The following TMEM132C variants were observed in gnomAD, a reference collection of about 807,000 sequenced individuals.
The protein encoded by TMEM132C is transmembrane protein 132C.
A neutral mutation model predicts 61.4 loss-of-function variants in TMEM132C; 29 were observed. The ratio of observed to expected loss-of-function variants is 0.47; its 90% CI spans 0.35 to 0.64. TMEM132C has a LOEUF of 0.64. Ranked by LOEUF, TMEM132C falls within the 30% of genes least tolerant of loss-of-function variation. The pLI is 0.00. For synonymous variants in TMEM132C, 656 were observed against 633.1 expected (o/e 1.04, Z -0.54); for missense variants, 1,408 against 1,476.9 (o/e 0.95, Z 0.76).
rs11059841 is a variant in TMEM132C at position 128,705,476 on chromosome 12, A to G, written c.2508A>G (p.Gln836=). Residue 836 remains glutamine, a synonymous_variant, in exon 9 of 9, where the codon CAA becomes CAG. Coordinates refer to ENST00000435159, the MANE Select transcript of TMEM132C (RefSeq NM_001136103.3). ...QKGQHHERTG[Q]DGHLYGSSPV... is the part of the protein sequence containing the mutation. ...GCCAGCACCATGAGCGCACAGGCCA[A>G]GATGGGCACCTCTATGGCAGCTCTC... 1 allele frequency: 1,545,231 copies of G among 1,551,206 alleles called. 769,824 individuals are homozygous for G. The highest frequency in any genetic ancestry group is 1 in the East Asian group (40,886 of 40,886).
Position 128,695,883 on chromosome 12 carries a change from G to A in TMEM132C, c.1709G>A (p.Cys570Tyr), listed in dbSNP as rs1355401672. Residue 570 changes from cysteine (C) to tyrosine (Y), a missense_variant, in exon 7 of 9, where the codon TGC (cysteine) becomes TAC (tyrosine). By Grantham distance (194) the Cys-to-Tyr change is radical. Coordinates refer to ENST00000435159, the MANE Select transcript of TMEM132C (RefSeq NM_001136103.3). ...GAGGAGGAGCGGCGGGGCCGGGGCT[G>A]CGCACTGCAATACCAGCACGCCACC... ...EDEEERRGRG[C>Y]ALQYQHATVR... 6.4e-7 allele frequency: 1 copy of A among 1,550,702 alleles called. No individual in the cohort carries two copies. The highest frequency in any genetic ancestry group is 2.4e-5 in the East Asian group (1 of 40,910).
chr12:128,345,250 G>A (rs1385823249), intron 1 of TMEM132C, among the ~76,000 whole-genome samples: 7 of 152,026 alleles, frequency 4.6e-5, no homozygotes, highest in African/African-American at 1.7e-4. Flanking sequence ...TCCTTTTTAT[G>A]GCTGCGTAGT....
intron 1 of TMEM132C, among the ~76,000 whole-genome samples, chr12:128,295,774 A>T (rs1460536848): frequency 1.2e-5 from 1 of 82,506 alleles, no homozygotes; most frequent in Non-Finnish European, 2.3e-5. Context: ...AGCACCAATT[A>T]AAAAAAAAAA....
chr12:128,268,050 C>T (rs1351871812), intron 1 of TMEM132C, among the ~76,000 whole-genome samples: 1 of 152,176 alleles, frequency 6.6e-6, no homozygotes, highest in Non-Finnish European at 1.5e-5. Context: ...GCGCAGCTCA[C>T]CAGGGACCCC....
At chr12:128,628,574 A>G (rs1250428726) in intron 4 of TMEM132C, among the ~76,000 whole-genome samples, 1 of 152,194 alleles carries the variant, frequency 6.6e-6, no homozygotes, top group East Asian at 1.9e-4. Flanking sequence ...TTGTACATTC[A>G]TTATCTGAAT....
intron 4 of TMEM132C, among the ~76,000 whole-genome samples, chr12:128,628,315 G>A (rs1358110260): frequency 1.3e-5 from 2 of 152,138 alleles, no homozygotes; most frequent in Non-Finnish European, 2.9e-5. Flanking sequence ...ACGGCGGCAC[G>A]CTGAGATCTA....
intron 2 of TMEM132C, among the ~76,000 whole-genome samples, chr12:128,512,045 G>A (rs562430786): frequency 7.9e-5 from 12 of 151,158 alleles, no homozygotes; most frequent in Admixed American, 4.0e-4. Context: ...CTCGAGCTCC[G>A]CCCCTGTCGG....
intron 3 of TMEM132C, among the ~76,000 whole-genome samples, chr12:128,601,046 G>A (rs886857641): frequency 6.6e-6 from 1 of 152,164 alleles, no homozygotes; most frequent in Non-Finnish European, 1.5e-5. Flanking sequence ...TCAATAGCAA[G>A]CTTTGGAGCA....
At position 128,278,748 on chromosome 12, in the gene TMEM132C, GTA is replaced by G. The variant is rs1039734936; in HGVS notation, c.85+11263_85+11264del. Among the ~76,000 whole-genome samples the G allele has an allele frequency of 0.025, 3,077 of 123,944 alleles. 39 individuals carry two copies. The highest frequency in any genetic ancestry group is 0.032 in the Admixed American group (412 of 12,748). 81.3% of individuals were successfully genotyped at this position (123,944 alleles called of 152,430 possible). ...TTTGTGCAGACTTGATTCTATACGT[GTA>G]TGTGTGTGTGTGTGTGTGTGTGTGT... On this transcript the variant is annotated intron_variant, in intron 1 of 8. Transcript: ENST00000435159. The surrounding 1 kb of genome is among the most constrained non-coding windows in gnomAD (Gnocchi z 4.2).
chr12:128,667,086 C>CAGATAT (rs1219460212), intron 4 of TMEM132C, among the ~76,000 whole-genome samples: 1 of 152,124 alleles, frequency 6.6e-6, no homozygotes, highest in Non-Finnish European at 1.5e-5. Flanking sequence ...TATATAGATA[C>CAGATAT]AGATATAGAT....
Position 128,706,291 on chromosome 12 carries a change from C to A in TMEM132C, c.3323C>A (p.Ala1108Asp). The change falls in exon 9 of 9, where the codon GCT becomes GAT. Residue 1108 changes from alanine (A) to aspartate (D), a missense_variant. By Grantham distance (126) the Ala-to-Asp change is moderately radical. Coordinates refer to ENST00000435159, the MANE Select transcript of TMEM132C (RefSeq NM_001136103.3). ...TATCTGGAGAAACTCAAAGATAAGG[C>A]TTAGGCCCCTCTAGCCAAAGGGCCC... ...RNYLEKLKDK[A>D] 1 of 1,525,676 alleles carries A rather than the reference C, an allele frequency of 6.6e-7. No individual in the cohort carries two copies. Among genetic ancestry groups the A allele is most frequent in the Non-Finnish European group, 8.8e-7 (1 of 1,133,356 alleles). 94.5% of individuals were successfully genotyped at this position (1,525,676 alleles called of 1,614,324 possible).
intron 1 of TMEM132C, among the ~76,000 whole-genome samples, chr12:128,340,689 CTT>C (rs1397729577): frequency 6.6e-6 from 1 of 151,888 alleles, no homozygotes; most frequent in African/African-American, 2.4e-5. Context: ...ATTCTATGCT[CTT>C]TCTTTCTTTC....
chr12:128,650,541 T>C (rs1488032098), intron 4 of TMEM132C, among the ~76,000 whole-genome samples: 2 of 151,824 alleles, frequency 1.3e-5, no homozygotes, highest in Non-Finnish European at 2.9e-5. Context: ...CTGGGCAACA[T>C]AGTGAGACCC....
intron 2 of TMEM132C, among the ~76,000 whole-genome samples, chr12:128,425,824 A>G (rs780637792): frequency 1.7e-4 from 26 of 152,128 alleles, no homozygotes; most frequent in Admixed American, 5.9e-4. Flanking sequence ...TTCTCTTACT[A>G]GGACATCTGT....
At chr12:128,407,218 G>A (rs1875375379) in intron 1 of TMEM132C, among the ~76,000 whole-genome samples, 1 of 152,152 alleles carries the variant, frequency 6.6e-6, no homozygotes, top group African/African-American at 2.4e-5. Flanking sequence ...GTTTTATAAA[G>A]GGCACTTCCC....
intron 4 of TMEM132C, among the ~76,000 whole-genome samples, chr12:128,664,024 GCACACGCACC>G (rs1415191748): frequency 1.4e-4 from 16 of 117,280 alleles, no homozygotes; most frequent in African/African-American, 4.9e-4. Flanking sequence ...ATACACACAG[GCACACGCACC>G]CACACGCACG....
At chr12:128,457,663 C>CT (rs1870392743) in intron 2 of TMEM132C, among the ~76,000 whole-genome samples, 1 of 151,978 alleles carries the variant, frequency 6.6e-6, no homozygotes, top group Non-Finnish European at 1.5e-5. Context: ...GAAGTAGGCA[C>CT]TAGTGCTATG....
chr12:128,569,966 T>G (rs10773554), intron 3 of TMEM132C, among the ~76,000 whole-genome samples: 1 of 152,134 alleles, frequency 6.6e-6, no homozygotes, highest in Non-Finnish European at 1.5e-5. Context: ...GATTCTTTCT[T>G]TCTTCACTAT....
intron 1 of TMEM132C, among the ~76,000 whole-genome samples, chr12:128,358,641 G>A (rs1382609630): frequency 6.6e-6 from 1 of 151,958 alleles, no homozygotes; most frequent in Non-Finnish European, 1.5e-5. Flanking sequence ...CAACCATGGG[G>A]TCCCCTGGTA....
Sources: gnomAD v4.1 joint callset for allele counts (sites outside exome capture counted in the v4.1 genomes callset) on GRCh38, gnomAD v4.1.1 for gene constraint, Gnocchi (gnomAD v3.1) non-coding constraint, MANE v1.5 for transcripts, NCBI Gene and HGNC (gene_info 2026-07-23, HGNC 2026-07-21) for gene names.